SMAD2: variants seen among roughly 807,000 people sequenced by gnomAD.
SMAD2 encodes MAD homolog 2.
SMAD2 carries 8 observed loss-of-function variants against 64.4 expected under a neutral mutation model. That is an observed-to-expected ratio of 0.12 (90% confidence interval 0.07 to 0.22). The LOEUF (loss-of-function observed/expected upper bound fraction) is 0.22. Among genes scored for constraint, SMAD2 ranks in the 10% least tolerant of loss-of-function variants. The pLI, the probability that SMAD2 is intolerant of heterozygous loss-of-function variation, is 1.00. For missense variants in SMAD2, 289 were observed against 561.2 expected (o/e 0.51, Z 4.90); for synonymous variants, 203 against 195.8 (o/e 1.04, Z -0.31).
intron 1 of SMAD2, chr18:47,922,429 T>C (rs1023330564): frequency 1.3e-5 from 2 of 152,242 alleles, no homozygotes; most frequent in African/African-American, 4.8e-5. Context: ...TACAGACTTT[T>C]TTCTCATCAT....
intron 2 of SMAD2, among the ~76,000 whole-genome samples, chr18:47,895,087 T>C (rs900158867): frequency 2.0e-5 from 3 of 152,194 alleles, no homozygotes; most frequent in African/African-American, 4.8e-5. Context: ...GAAAAATCTT[T>C]GTAAAAATAT....
intron 1 of SMAD2, among the ~76,000 whole-genome samples, chr18:47,901,150 T>C (rs559643573): frequency 9.8e-5 from 15 of 152,304 alleles, no homozygotes; most frequent in African/African-American, 3.4e-4. Flanking sequence ...TCTGTTTCTT[T>C]TAGTTCAAAA....
At chr18:47,881,879 T>C (rs564185681) in intron 2 of SMAD2, among the ~76,000 whole-genome samples, 31 of 152,164 alleles carry the variant, frequency 2.0e-4, no homozygotes, top group African/African-American at 6.3e-4. Flanking sequence ...GTTTTTTTGT[T>C]TGTTTGTTTG....
At chr18:47,926,778 G>A (rs950396119) in intron 1 of SMAD2, among the ~76,000 whole-genome samples, 1 of 152,136 alleles carries the variant, frequency 6.6e-6, no homozygotes, top group African/African-American at 2.4e-5. Flanking sequence ...AAATCATTTG[G>A]ATTAGAAAGA....
rs775603110 is a variant in SMAD2 at position 47,819,191 on chromosome 18, A to G, written c.*22636T>C. The G allele has an allele frequency of 3.9e-5, 6 of 152,232 alleles. No homozygotes were observed. Among genetic ancestry groups the G allele is most frequent in the Non-Finnish European group, 7.3e-5 (5 of 68,034 alleles). 9.4% of individuals were successfully genotyped at this position (152,232 alleles called of 1,614,324 possible). On this transcript the variant is annotated 3_prime_UTR_variant, in exon 11 of 11. Transcript: ENST00000262160. ...TTTTAAAATAATTGGTAAATCAAAAATAAGTGTCTTTAAAATTTTTGCCTG... is the reference window on the plus strand; with the variant it reads ...TTTTAAAATAATTGGTAAATCAAAAGTAAGTGTCTTTAAAATTTTTGCCTG...
chr18:47,833,212 TA>T lies in SMAD2; in HGVS notation c.*8614del, dbSNP rs1913085505. 1.4e-5 allele frequency: 3 copies of T among 210,276 alleles called. No homozygotes were observed. The highest frequency in any genetic ancestry group is 6.8e-5 in the African/African-American group (3 of 44,076). 13.0% of individuals were successfully genotyped at this position (210,276 alleles called of 1,614,324 possible). On this transcript the variant is annotated 3_prime_UTR_variant, in exon 11 of 11. Coordinates refer to ENST00000262160, the MANE Select transcript of SMAD2 (RefSeq NM_005901.6). ...AAACAAGGTAAAAAGTGAAAGCACATACAGATGATGCACACAAATATATATA... is the reference window on the plus strand; with the variant it reads ...AAACAAGGTAAAAAGTGAAAGCACATCAGATGATGCACACAAATATATATA...
chr18:47,907,060 C>T (rs2033934254), intron 1 of SMAD2, among the ~76,000 whole-genome samples: 1 of 152,124 alleles, frequency 6.6e-6, no homozygotes, highest in South Asian at 2.1e-4. Flanking sequence ...ATTCAGTCTA[C>T]CACATCAAGC....
chr18:47,879,777 C>T (rs780117713), intron 2 of SMAD2, among the ~76,000 whole-genome samples: 4 of 152,012 alleles, frequency 2.6e-5, no homozygotes, highest in African/African-American at 4.8e-5. Flanking sequence ...TTCCAGAGTA[C>T]GATTTTACAG....
rs771567730 is a variant in SMAD2, at chr18:47,839,981, T to TA, written c.*1845dup. The TA allele has an allele frequency of 3.4e-5, 8 of 233,106 alleles. No individual in the cohort carries two copies. Among genetic ancestry groups the TA allele is most frequent in the Non-Finnish European group, 6.8e-5 (8 of 118,014 alleles). 14.4% of individuals were successfully genotyped at this position (233,106 alleles called of 1,614,324 possible). On this transcript the variant is annotated 3_prime_UTR_variant, in exon 11 of 11. Transcript: ENST00000262160. ...CAAGTAAGATAATTAAGGGTTAGTG[T>TA]AACTGCTGTCTCAGCAAAGGCAGGA... is the stretch of plus-strand genomic sequence containing the variant.
At chr18:47,887,707 C>G (rs1037338519) in intron 2 of SMAD2, among the ~76,000 whole-genome samples, 2 of 152,186 alleles carry the variant, frequency 1.3e-5, no homozygotes, top group Non-Finnish European at 2.9e-5. Flanking sequence ...CTTCATTCTA[C>G]CGATACAGGG....
In SMAD2 at chr18:47,815,749, A is replaced by C. The variant is rs1247315199; in HGVS notation, c.*26078T>G. ...CTGGTCTCGACACACTTGGCTGTGA[A>C]TAGCAGGGATAGAAAGTAGTTATGG... On this transcript the variant is annotated 3_prime_UTR_variant, in exon 11 of 11. Coordinates refer to ENST00000262160, the MANE Select transcript of SMAD2 (RefSeq NM_005901.6). 2.0e-5 allele frequency: 3 copies of C among 152,276 alleles called. No individual in the cohort carries two copies. The highest frequency in any genetic ancestry group is 2.9e-5 in the Non-Finnish European group (2 of 68,070). 9.4% of individuals were successfully genotyped at this position (152,276 alleles called of 1,614,324 possible). A position where few individuals can be genotyped will look rare whatever the true frequency, so the allele number is the denominator to read the frequency against.
At chr18:47,859,124 G>C (rs1251993370) in intron 6 of SMAD2, among the ~76,000 whole-genome samples, 1 of 152,004 alleles carries the variant, frequency 6.6e-6, no homozygotes, top group Non-Finnish European at 1.5e-5. Flanking sequence ...TATAATTAGG[G>C]CAAATTAATT....
chr18:47,917,606 T>C (rs1218421599), intron 1 of SMAD2, among the ~76,000 whole-genome samples: 1 of 152,238 alleles, frequency 6.6e-6, no homozygotes, highest in East Asian at 1.9e-4. Context: ...CCCCACTGAC[T>C]TGGAGTTATA....
intron 1 of SMAD2, among the ~76,000 whole-genome samples, chr18:47,924,817 A>G (rs2034700125): frequency 6.6e-6 from 1 of 152,246 alleles, no homozygotes; most frequent in Admixed American, 6.5e-5. Context: ...CGTTTCCTTG[A>G]TATTTACAAG....
intron 2 of SMAD2, among the ~76,000 whole-genome samples, chr18:47,872,997 G>A (rs1034953039): frequency 1.3e-5 from 2 of 151,120 alleles, no homozygotes; most frequent in Non-Finnish European, 2.9e-5. Context: ...GAGTAGCTGG[G>A]ACTATAGGCG....
intron 2 of SMAD2, among the ~76,000 whole-genome samples, chr18:47,875,942 TAA>T (rs2032238270): frequency 6.6e-6 from 1 of 152,104 alleles, no homozygotes; most frequent in African/African-American, 2.4e-5. Flanking sequence ...TGGTTAGCGT[TAA>T]GTTTGCACTT....
intron 2 of SMAD2, among the ~76,000 whole-genome samples, chr18:47,871,320 T>C (rs2031920216): frequency 6.6e-6 from 1 of 152,224 alleles, no homozygotes; most frequent in Non-Finnish European, 1.5e-5. Context: ...GAAAAGTCCA[T>C]TTCTTACATA....
intron 1 of SMAD2, among the ~76,000 whole-genome samples, chr18:47,923,990 T>C (rs2034661468): frequency 6.6e-6 from 1 of 152,192 alleles, no homozygotes; most frequent in Non-Finnish European, 1.5e-5. Context: ...GGCTCACGCA[T>C]GTAATCCCAA....
At chr18:47,885,263 C>T (rs1053168399) in intron 2 of SMAD2, among the ~76,000 whole-genome samples, 2 of 151,966 alleles carry the variant, frequency 1.3e-5, no homozygotes, top group African/African-American at 2.4e-5. Context: ...GCAACCTCCG[C>T]CTCCTGGGTT....
Sources: gnomAD v4.1 joint callset for allele counts (sites outside exome capture counted in the v4.1 genomes callset) on GRCh38, gnomAD v4.1.1 for gene constraint, MANE v1.5 for transcripts, NCBI Gene and HGNC (gene_info 2026-07-23, HGNC 2026-07-21) for gene names.